The following SFXN4 variants were observed in gnomAD, a reference collection of about 807,000 sequenced individuals.
The protein encoded by SFXN4 is sideroflexin 4.
In SFXN4, 48 loss-of-function variants were observed where a neutral mutation model predicts 54.6. The observed-to-expected ratio is 0.88, with a 90% CI of 0.70 to 1.12. The LOEUF is 1.12. SFXN4 is among the 50% of genes most tolerant of loss of function. The probability of loss-of-function intolerance (pLI) is 0.00; values close to 1 mark genes in which losing one functional copy is unlikely to be tolerated. For synonymous variants in SFXN4, 130 were observed against 145.5 expected (o/e 0.89, Z 0.77); for missense variants, 383 against 409.2 (o/e 0.94, Z 0.55).
chr10:119,159,150 AG>A (rs1847408288), intron 6 of SFXN4, among the ~76,000 whole-genome samples: 1 of 151,846 alleles, frequency 6.6e-6, no homozygotes, highest in African/African-American at 2.4e-5. Context: ...TATGGTGGTG[AG>A]CGCCTGTAAT....
At position 119,155,644 on chromosome 10, in the gene SFXN4, C is replaced by G. The variant is rs187548878; in HGVS notation, c.617-467G>C. Among the ~76,000 whole-genome samples the G allele has an allele frequency of 6.5e-3, 996 of 152,254 alleles. 16 individuals are homozygous for G. The highest frequency in any genetic ancestry group is 0.023 in the African/African-American group (953 of 41,524). ...AGTAGCTGGCATTACAGGCATGCCC[C>G]ACCACGCCCGGCTAATTTTTGTATT... On this transcript the variant is annotated intron_variant, in intron 10 of 13. Coordinates refer to ENST00000355697, the MANE Select transcript of SFXN4 (RefSeq NM_213649.2).
At chr10:119,149,616 G>C (rs1037092660) in intron 11 of SFXN4, among the ~76,000 whole-genome samples, 1 of 152,128 alleles carries the variant, frequency 6.6e-6, no homozygotes, top group Non-Finnish European at 1.5e-5. Context: ...CGGGCGTGGT[G>C]GTGGGCGCCT....
intron 5 of SFXN4, 92 bp downstream of exon 5, chr10:119,160,823 C>T: frequency 7.5e-7 from 1 of 1,330,340 alleles, no homozygotes; most frequent in South Asian, 1.2e-5. Flanking sequence ...TGGTCTCGAA[C>T]TCCTGACCCC....
At chr10:119,163,818 G>A (rs1484466164) in intron 2 of SFXN4, among the ~76,000 whole-genome samples, 3 of 151,960 alleles carry the variant, frequency 2.0e-5, no homozygotes, top group African/African-American at 7.2e-5. Flanking sequence ...CACGTGGGCA[G>A]GGCCTGAGGT....
rs184347360 is a variant in SFXN4 at position 119,152,135 on chromosome 10, A to C, written c.732+2927T>G. ...GCTGCACAACTGTTTTAAACTGACT[A>C]AAATTCATCAAACTATCCTCTTACA... On this transcript the variant is annotated intron_variant, in intron 11 of 13. Transcript: ENST00000355697. 4.1e-3 allele frequency among the ~76,000 whole-genome samples: 626 copies of C among 152,198 alleles called. 9 individuals are homozygous for C. Among genetic ancestry groups the C allele is most frequent in the African/African-American group, 0.014 (600 of 41,528 alleles).
Position 119,156,672 on chromosome 10 carries a change from G to T in SFXN4, c.616+6C>A. 2 of 1,604,416 alleles carry T rather than the reference G, an allele frequency of 1.2e-6. No individual in the cohort carries two copies. The highest frequency in any genetic ancestry group is 1.7e-6 in the Non-Finnish European group (2 of 1,173,784). On this transcript the variant is annotated splice_donor_region_variant and intron_variant, in intron 10 of 13. Coordinates refer to ENST00000355697, the MANE Select transcript of SFXN4 (RefSeq NM_213649.2). The stretch of plus-strand genomic sequence containing the variant: ...CAGACTGCAGCCTCCAGCCCTTCCT[G>T]CTCACCGAGGAAGATCACAGGTAAG...
At chr10:119,154,790 C>T (rs1027557877) in intron 11 of SFXN4, among the ~76,000 whole-genome samples, 3 of 152,174 alleles carry the variant, frequency 2.0e-5, no homozygotes, top group Non-Finnish European at 4.4e-5. Flanking sequence ...CAAGACTGCA[C>T]CATTGCACTC....
intron 10 of SFXN4, 42 bp downstream of exon 10, chr10:119,156,636 G>A (rs1205886152): frequency 6.8e-7 from 1 of 1,476,628 alleles, no homozygotes; most frequent in East Asian, 2.3e-5. Context: ...AGACCACAAA[G>A]ACACCCCACC....
chr10:119,151,105 C>T (rs1374704763), intron 11 of SFXN4, among the ~76,000 whole-genome samples: 2 of 152,216 alleles, frequency 1.3e-5, no homozygotes, highest in Admixed American at 6.5e-5. Flanking sequence ...CATGGGGGCT[C>T]ACGCCTGTAA....
Position 119,158,060 on chromosome 10 carries a change from T to C in SFXN4, c.363A>G (p.Val121=). ...CTTTCAGTGGCGTCATTGACAAAAA[T>C]ACCTTTTAAGAAGACAGTGGAACAG... ...AAFLPFMAPT[V]FLSMTPLKGI... The change falls in exon 7 of 14, where the codon GTA becomes GTG. Residue 121 remains valine (V), a splice_region_variant and synonymous_variant. Coordinates refer to ENST00000355697, the MANE Select transcript of SFXN4 (RefSeq NM_213649.2). 1 of 1,613,958 alleles carries C rather than the reference T, an allele frequency of 6.2e-7. No individual in the cohort carries two copies. Among genetic ancestry groups the C allele is most frequent in the Admixed American group, 1.7e-5 (1 of 59,994 alleles).
chr10:119,159,322 G>A (rs1385685425), intron 6 of SFXN4, among the ~76,000 whole-genome samples: 1 of 152,074 alleles, frequency 6.6e-6, no homozygotes, highest in Admixed American at 6.6e-5. Flanking sequence ...CACCTCCCAA[G>A]GGCCAAGGTG....
Position 119,146,298 on chromosome 10 carries a change from T to C in SFXN4, c.874A>G (p.Thr292Ala), listed in dbSNP as rs762624585. The C allele has an allele frequency of 8.1e-6, 13 of 1,613,900 alleles. No homozygotes were observed. In the South Asian group the frequency reaches 1.3e-4, roughly 16 times the overall value. ...ACCATCAGTCCCATTGCCAGGACAG[T>C]ACAAGACAGTTTCAAAATCCACAAT... ...GSLWILKLSC[T>A]VLAMGLMVPF... The change falls in exon 13 of 14, where the codon ACT (threonine) becomes GCT (alanine). Residue 292 changes from threonine (T) to alanine (A), a missense_variant. Coordinates refer to ENST00000355697, the MANE Select transcript of SFXN4 (RefSeq NM_213649.2).
intron 11 of SFXN4, among the ~76,000 whole-genome samples, chr10:119,149,297 T>C (rs1432067697): frequency 6.6e-6 from 1 of 152,146 alleles, no homozygotes; most frequent in Non-Finnish European, 1.5e-5. Context: ...ATGATTGGCT[T>C]TGACCTACCT....
chr10:119,162,406 T>C lies in SFXN4; in HGVS notation c.186A>G (p.Ile62Met), dbSNP rs1847590176. 1 of 1,613,576 alleles carries C rather than the reference T, an allele frequency of 6.2e-7. No individual in the cohort carries two copies. The highest frequency in any genetic ancestry group is 8.5e-7 in the Non-Finnish European group (1 of 1,179,478). The change falls in exon 3 of 14, where the codon ATA becomes ATG. Residue 62 changes from isoleucine (I) to methionine (M), a missense_variant. Physicochemically the swap from Ile to Met is conservative, Grantham distance 10. Transcript: ENST00000355697. ...PTNVFISVES[I>M]ENSRQLLCTN... Reference sequence around the variant, plus strand: ...TGCACAATAGTTGCCTCGAGTTTTCTATACTTTCCTAAAATCAGATATCAA... The same window carrying C: ...TGCACAATAGTTGCCTCGAGTTTTCCATACTTTCCTAAAATCAGATATCAA...
chr10:119,162,541 A>G, intron 2 of SFXN4, 127 bp from the exon 3 acceptor site: 1 of 722,872 alleles, frequency 1.4e-6, no homozygotes, highest in East Asian at 2.7e-5. Context: ...ATTTCAAGCC[A>G]CATGGTGCCC....
intron 13 of SFXN4, among the ~76,000 whole-genome samples, chr10:119,143,149 G>A (rs1207415642): frequency 6.6e-6 from 1 of 152,010 alleles, no homozygotes. Flanking sequence ...TTCCAACCTT[G>A]CATGACTTAC....
intron 6 of SFXN4, 85 bp downstream of exon 6, chr10:119,159,643 C>G: frequency 2.1e-6 from 3 of 1,429,272 alleles, no homozygotes; most frequent in Non-Finnish European, 3.0e-6. Flanking sequence ...GGGTCCGGAG[C>G]TGGAGGGACA....
Position 119,161,641 on chromosome 10 carries a change from G to T in SFXN4, c.253-560C>A, listed in dbSNP as rs111415722. ...CAAGCAAAGAGACGAGCCACACAGA[G>T]AAATGGACCAGAACATTAAAAAGTC... On this transcript the variant is annotated intron_variant, in intron 3 of 13. Coordinates refer to ENST00000355697, the MANE Select transcript of SFXN4 (RefSeq NM_213649.2). Among the ~76,000 whole-genome samples the T allele has an allele frequency of 3.1e-3, 476 of 152,228 alleles. 3 individuals are homozygous for T. Among genetic ancestry groups the T allele is most frequent in the African/African-American group, 0.011 (449 of 41,554 alleles).
intron 13 of SFXN4, among the ~76,000 whole-genome samples, chr10:119,145,162 C>T (rs10886404): frequency 0.47 from 70,758 of 151,672 alleles, 19,920 homozygotes; most frequent in South Asian, 0.63. Flanking sequence ...ACTGTTTCCC[C>T]CTCAGTCACC....
Sources: gnomAD v4.1 joint callset for allele counts (sites outside exome capture counted in the v4.1 genomes callset) on GRCh38, gnomAD v4.1.1 for gene constraint, MANE v1.5 for transcripts, NCBI Gene and HGNC (gene_info 2026-07-23, HGNC 2026-07-21) for gene names.